The following NEO1 variants were observed in gnomAD, a reference collection of about 807,000 sequenced individuals.
NEO1 encodes neogenin 1, also known as neogenin.
In NEO1, 63 loss-of-function variants were observed where a neutral mutation model predicts 159.7. That is an observed-to-expected ratio of 0.39 (90% CI 0.32 to 0.49). NEO1 has a LOEUF of 0.49. NEO1 is among the 20% of genes least tolerant of loss of function. The pLI, the probability that NEO1 is intolerant of heterozygous loss-of-function variation, is 0.85. For missense variants in NEO1, 1,615 were observed against 1,831.0 expected (o/e 0.88, Z 2.15); for synonymous variants, 633 against 662.0 (o/e 0.96, Z 0.67).
chr15:73,231,018 G>A (rs1036629974), intron 7 of NEO1, among the ~76,000 whole-genome samples: 1 of 151,588 alleles, frequency 6.6e-6, no homozygotes, highest in African/African-American at 2.4e-5. Flanking sequence ...GTCATTTTTT[G>A]CTTTCATATT....
chr15:73,215,184 CT>C (rs1297542724), intron 7 of NEO1, among the ~76,000 whole-genome samples: 1 of 152,098 alleles, frequency 6.6e-6, no homozygotes, highest in East Asian at 1.9e-4. Context: ...CTGGAGGAGT[CT>C]TTAGGGTTTT....
At chr15:73,252,600 A>T (rs1448783217) in intron 11 of NEO1, among the ~76,000 whole-genome samples, 1 of 152,208 alleles carries the variant, frequency 6.6e-6, no homozygotes, top group Non-Finnish European at 1.5e-5. Context: ...ATGTATGTAC[A>T]TCTCATTTTG....
intron 5 of NEO1, among the ~76,000 whole-genome samples, chr15:73,144,717 G>A (rs1432425173): frequency 6.6e-6 from 1 of 152,098 alleles, no homozygotes; most frequent in East Asian, 1.9e-4. Flanking sequence ...GCAATTGGAT[G>A]TCCCACAGGT....
At chr15:73,169,989 A>G (rs769830534) in intron 5 of NEO1, among the ~76,000 whole-genome samples, 1 of 152,056 alleles carries the variant, frequency 6.6e-6, no homozygotes, top group Non-Finnish European at 1.5e-5. Context: ...GTTTGTTTGA[A>G]TGTACCTTGT....
chr15:73,204,468 T>G (rs2037100834), intron 7 of NEO1, among the ~76,000 whole-genome samples: 1 of 152,158 alleles, frequency 6.6e-6, no homozygotes, highest in African/African-American at 2.4e-5. Flanking sequence ...GATATTCTGT[T>G]TTTTTCATTC....
chr15:73,285,608 T>C (rs2041913935), intron 23 of NEO1, among the ~76,000 whole-genome samples: 1 of 152,206 alleles, frequency 6.6e-6, no homozygotes, highest in South Asian at 2.1e-4. Flanking sequence ...CTTCCTACTT[T>C]TCTTCCTCTG....
chr15:73,062,198 T>G (rs1391843218), intron 1 of NEO1, among the ~76,000 whole-genome samples: 1 of 152,214 alleles, frequency 6.6e-6, no homozygotes, highest in African/African-American at 2.4e-5. Context: ...GACTTCCTAG[T>G]CTTTTTGCCA....
chr15:73,057,416 A>T (rs2067760729), intron 1 of NEO1, among the ~76,000 whole-genome samples: 1 of 152,046 alleles, frequency 6.6e-6, no homozygotes, highest in Non-Finnish European at 1.5e-5. Context: ...TGTGATTGGG[A>T]GCTATTTACC....
intron 7 of NEO1, among the ~76,000 whole-genome samples, chr15:73,204,078 T>C (rs906791290): frequency 2.0e-5 from 3 of 151,706 alleles, no homozygotes; most frequent in African/African-American, 7.2e-5. Flanking sequence ...TCATTAACCT[T>C]TGAAGTGCAA....
chr15:73,236,148 C>T (rs1367636000), intron 7 of NEO1, 199 bp from the exon 8 acceptor site: 17 of 719,894 alleles, frequency 2.4e-5, no homozygotes, highest in Non-Finnish European at 3.6e-5. Flanking sequence ...GTTTAATGGC[C>T]TTTTTTATGT....
At chr15:73,200,896 G>C (rs370532083) in intron 7 of NEO1, among the ~76,000 whole-genome samples, 47 of 151,870 alleles carry the variant, frequency 3.1e-4, no homozygotes, top group African/African-American at 1.0e-3. Flanking sequence ...TGCCCAGGCT[G>C]GTCTCAAACT....
intron 7 of NEO1, among the ~76,000 whole-genome samples, chr15:73,197,538 C>G (rs972237364): frequency 5.3e-5 from 8 of 152,044 alleles, no homozygotes; most frequent in Non-Finnish European, 1.2e-4. Context: ...TGAGATACAA[C>G]CTGATTGCAG....
At chr15:73,289,087 G>C (rs1293742368) in intron 24 of NEO1, 59 bp from the exon 25 acceptor site, 2 of 1,349,624 alleles carry the variant, frequency 1.5e-6, no homozygotes, top group South Asian at 1.2e-5. Context: ...TTTCACTGTT[G>C]AGGCTGCTCA....
chr15:73,087,100 T>C (rs746741678), intron 1 of NEO1, among the ~76,000 whole-genome samples: 4 of 150,900 alleles, frequency 2.7e-5, no homozygotes, highest in Non-Finnish European at 5.9e-5. Flanking sequence ...GAGAAAGCAC[T>C]CTGTCTTTTA....
chr15:73,187,912 A>G (rs1208507227), intron 7 of NEO1, among the ~76,000 whole-genome samples: 1 of 152,200 alleles, frequency 6.6e-6, no homozygotes, highest in Non-Finnish European at 1.5e-5. Flanking sequence ...TCTACGTTGG[A>G]AATTCGCAAT....
intron 7 of NEO1, among the ~76,000 whole-genome samples, chr15:73,187,151 A>T (rs2035978515): frequency 2.0e-5 from 3 of 152,218 alleles, no homozygotes; most frequent in Admixed American, 2.0e-4. Context: ...AACAAGACTC[A>T]TGAAGATAAC....
At chr15:73,147,558 T>C (rs1356796210) in intron 5 of NEO1, among the ~76,000 whole-genome samples, 1 of 152,122 alleles carries the variant, frequency 6.6e-6, no homozygotes, top group Non-Finnish European at 1.5e-5. Context: ...TAGTAAATAT[T>C]CTTCATTCTT....
chr15:73,162,167 A>G (rs2034232008), intron 5 of NEO1: 1 of 222,180 alleles, frequency 4.5e-6, no homozygotes, highest in South Asian at 8.1e-5. Context: ...TCACTTTCCA[A>G]ATGTACCTAA....
At chr15:73,217,406 G>A (rs1368197534) in intron 7 of NEO1, among the ~76,000 whole-genome samples, 32 of 148,388 alleles carry the variant, frequency 2.2e-4, no homozygotes, top group African/African-American at 5.6e-4. Flanking sequence ...TTGACTTGGC[G>A]ATGCGGGCTC....
Sources: gnomAD v4.1 joint callset for allele counts (sites outside exome capture counted in the v4.1 genomes callset) on GRCh38, gnomAD v4.1.1 for gene constraint, MANE v1.5 for transcripts, NCBI Gene and HGNC (gene_info 2026-07-23, HGNC 2026-07-21) for gene names.